ARHGEF12: variants seen among roughly 807,000 people sequenced by gnomAD.
ARHGEF12 encodes KMT2A/ARHGEF12 fusion protein.
ARHGEF12 carries 66 observed loss-of-function variants against 211.2 expected under a neutral mutation model. The ratio of observed to expected loss-of-function variants is 0.31; its 90% CI spans 0.26 to 0.38. The LOEUF (loss-of-function observed/expected upper bound fraction) is 0.38, where lower values mean the gene tolerates loss of function less well. Among genes scored for constraint, ARHGEF12 ranks in the 10% least tolerant of loss-of-function variants. The pLI is 1.00. For missense variants in ARHGEF12, 1,429 were observed against 1,869.5 expected (o/e 0.76, Z 4.34); for synonymous variants, 592 against 638.4 (o/e 0.93, Z 1.09).
intron 18 of ARHGEF12, 90 bp from the exon 19 acceptor site, chr11:120,447,784 C>G: frequency 1.1e-6 from 1 of 905,178 alleles, no homozygotes; most frequent in South Asian, 1.6e-5. Flanking sequence ...CCATTGCACT[C>G]CAGCCTGGGT....
intron 31 of ARHGEF12, 53 bp from the exon 32 acceptor site, chr11:120,474,507 A>T: frequency 7.8e-7 from 1 of 1,286,104 alleles, no homozygotes; most frequent in Non-Finnish European, 1.1e-6. Flanking sequence ...ATAGATAATC[A>T]TGTTACTGAG....
chr11:120,384,076 G>A (rs879357211), intron 1 of ARHGEF12, among the ~76,000 whole-genome samples: 20 of 152,090 alleles, frequency 1.3e-4, no homozygotes, highest in South Asian at 2.1e-4. Context: ...CTGAGACCTC[G>A]GTATAGGTGG....
At chr11:120,443,078 G>A (rs1945931958) in intron 15 of ARHGEF12, among the ~76,000 whole-genome samples, 1 of 145,834 alleles carries the variant, frequency 6.9e-6, no homozygotes, top group Non-Finnish European at 1.5e-5. Context: ...CTGGAGCACA[G>A]TGGCACGATT....
intron 34 of ARHGEF12, chr11:120,476,952 A>C (rs1947049391): frequency 1.7e-6 from 1 of 593,822 alleles, no homozygotes; most frequent in African/African-American, 1.9e-5. Flanking sequence ...TATTTCCTAA[A>C]GAAAAAATTG....
chr11:120,384,961 A>C (rs1943985925), intron 1 of ARHGEF12, among the ~76,000 whole-genome samples: 1 of 150,480 alleles, frequency 6.6e-6, no homozygotes, highest in Non-Finnish European at 1.5e-5. Context: ...ACCGAATTTT[A>C]AGGTATTTGA....
chr11:120,391,188 A>G (rs1944206342), intron 1 of ARHGEF12, among the ~76,000 whole-genome samples: 1 of 152,210 alleles, frequency 6.6e-6, no homozygotes, highest in African/African-American at 2.4e-5. Flanking sequence ...GACACAATTT[A>G]CTGTATTGTT....
chr11:120,477,304 G>C lies in ARHGEF12; in HGVS notation c.3451G>C (p.Glu1151Gln). Residue 1151 changes from glutamate (E) to glutamine (Q), a missense_variant and splice_region_variant, in exon 35 of 41, where the codon GAA (glutamate) becomes CAA (glutamine). Glu to Gln is a conservative substitution (Grantham distance 29). Transcript: ENST00000397843. ...TCCATTACCACAGTCAACACCTGGC[G>C]AGTGAGTGTTCCTTTGCATTGTAGT... ...PIPLPQSTPGEGDNDEEDPSK... is the reference protein window; with the variant it reads ...PIPLPQSTPGQGDNDEEDPSK... 1 of 1,613,718 alleles carries C rather than the reference G, an allele frequency of 6.2e-7. No homozygotes were observed.
At chr11:120,478,567 C>A (rs1045012583) in intron 37 of ARHGEF12, among the ~76,000 whole-genome samples, 178 bp downstream of exon 37, 2 of 152,168 alleles carry the variant, frequency 1.3e-5, no homozygotes, top group African/African-American at 2.4e-5. Context: ...TCTGTTAGCT[C>A]CCCACCCCCC....
Position 120,457,102 on chromosome 11 carries a change from T to TC in ARHGEF12, c.2057-16_2057-15insC. On this transcript the variant is annotated splice_polypyrimidine_tract_variant and intron_variant, in intron 22 of 40. Coordinates refer to ENST00000397843, the MANE Select transcript of ARHGEF12 (RefSeq NM_015313.3). Reference sequence around the variant, plus strand: ...TAAGTATTAACACTCTTCAAATGTCTGACTTTTGTCTACAGGATCAAAGCA... The same window carrying TC: ...TAAGTATTAACACTCTTCAAATGTCTCGACTTTTGTCTACAGGATCAAAGCA... 2 of 1,612,906 alleles carry TC rather than the reference T, an allele frequency of 1.2e-6. No individual in the cohort carries two copies. The highest frequency in any genetic ancestry group is 1.7e-6 in the Non-Finnish European group (2 of 1,179,528).
chr11:120,448,393 C>A (rs761571815), intron 20 of ARHGEF12, 45 bp downstream of exon 20: 22 of 1,472,796 alleles, frequency 1.5e-5, no homozygotes, highest in Middle Eastern at 1.7e-4. Flanking sequence ...CTTAGGGCTT[C>A]TTTACATTTG....
chr11:120,447,433 C>G (rs1946077440), intron 18 of ARHGEF12, among the ~76,000 whole-genome samples: 1 of 152,176 alleles, frequency 6.6e-6, no homozygotes, highest in East Asian at 1.9e-4. Flanking sequence ...AGATAAGGTT[C>G]TTTAGGGGAT....
Position 120,477,478 on chromosome 11 carries a change from T to G in ARHGEF12, c.3484T>G (p.Leu1162Val), listed in dbSNP as rs1294484996. Residue 1162 changes from leucine (L) to valine (V), a missense_variant, in exon 36 of 41, where the codon TTA becomes GTA. Leu to Val is a conservative substitution (Grantham distance 32, BLOSUM62 1). This residue lies in a region of ARHGEF12 where 467 missense variants were observed against 468.4 expected (regional missense o/e 1.00). Coordinates refer to ENST00000397843, the MANE Select transcript of ARHGEF12 (RefSeq NM_015313.3). ...TAATGATGAAGAAGATCCTTCAAAA[T>G]TAAAAGAGGAGCAGCATGGCATTTC... is the stretch of plus-strand genomic sequence containing the variant. ...GDNDEEDPSKLKEEQHGISVT... is the reference protein window; with the variant it reads ...GDNDEEDPSKVKEEQHGISVT... The G allele has an allele frequency of 6.2e-7, 1 of 1,605,250 alleles. No individual in the cohort carries two copies. Among genetic ancestry groups the G allele is most frequent in the Non-Finnish European group, 8.5e-7 (1 of 1,175,556 alleles).
chr11:120,383,623 C>T (rs188716275), intron 1 of ARHGEF12, among the ~76,000 whole-genome samples: 266 of 152,232 alleles, frequency 1.7e-3, no homozygotes, highest in Admixed American at 2.2e-3. Flanking sequence ...TCCTGCTCCT[C>T]TGAGCATCTA....
At chr11:120,446,307 T>C in intron 16 of ARHGEF12, 96 bp from the exon 17 acceptor site, 1 of 802,604 alleles carries the variant, frequency 1.2e-6, no homozygotes, top group Non-Finnish European at 1.8e-6. Context: ...TCTGGCATAT[T>C]CTAAGTTAAT....
At chr11:120,412,312 T>C (rs1387126171) in intron 4 of ARHGEF12, among the ~76,000 whole-genome samples, 2 of 152,242 alleles carry the variant, frequency 1.3e-5, no homozygotes, top group African/African-American at 4.8e-5. Context: ...AAATAAGTTA[T>C]GTCTTTTTAA....
chr11:120,357,012 C>T (rs1041988109), intron 1 of ARHGEF12, among the ~76,000 whole-genome samples: 3 of 151,092 alleles, frequency 2.0e-5, no homozygotes, highest in Non-Finnish European at 4.4e-5. Context: ...CCAACCTGCA[C>T]TGTTTTTTTT....
rs773482324 is a variant in ARHGEF12 at position 120,457,174 on chromosome 11, C to T, written c.2113C>T (p.Arg705Cys). 29 of 1,614,044 alleles carry T rather than the reference C, an allele frequency of 1.8e-5. No individual in the cohort carries two copies. The highest frequency in any genetic ancestry group is 5.3e-5 in the African/African-American group (4 of 75,036). The change falls in exon 23 of 41, where the codon CGT (arginine) becomes TGT (cysteine). Residue 705 changes from arginine to cysteine, a missense_variant. Transcript: ENST00000397843. ...APGDTLDGTP[R>C]TLNTVFDFPP... Reference sequence around the variant, plus strand: ...TGGAGACACCTTAGATGGCACACCTCGTACTCTCAATACTGTCTTTGATTT... The same window carrying T: ...TGGAGACACCTTAGATGGCACACCTTGTACTCTCAATACTGTCTTTGATTT...
chr11:120,474,579 G>A lies in ARHGEF12; in HGVS notation c.3053G>A (p.Arg1018Lys), dbSNP rs201397693. ...TGCCAGAATTTGGATTTAACAAAAA[G>A]GAAGATGATTCATGAAGGGCCATTG... ...EELRNLDLTKRKMIHEGPLVW... is the reference protein window; with the variant it reads ...EELRNLDLTKKKMIHEGPLVW... Residue 1018 changes from arginine (R) to lysine (K), a missense_variant, in exon 32 of 41, where the codon AGG (arginine) becomes AAG (lysine). Physicochemically the swap from Arg to Lys is conservative, Grantham distance 26. Coordinates refer to ENST00000397843, the MANE Select transcript of ARHGEF12 (RefSeq NM_015313.3). 2 of 1,611,580 alleles carry A rather than the reference G, an allele frequency of 1.2e-6. No homozygotes were observed. The highest frequency in any genetic ancestry group is 1.3e-5 in the African/African-American group (1 of 74,860).
chr11:120,430,328 A>G (rs952519963), intron 10 of ARHGEF12, among the ~76,000 whole-genome samples: 4 of 152,148 alleles, frequency 2.6e-5, no homozygotes, highest in African/African-American at 9.7e-5. Flanking sequence ...AGAGTTAGAG[A>G]GATTAAATGA....
Sources: allele counts gnomAD v4.1 joint callset (sites outside exome capture counted in the v4.1 genomes callset), GRCh38; gene constraint gnomAD v4.1.1; regional missense constraint gnomAD v4.1.1; transcripts MANE v1.5; gene names NCBI Gene and HGNC (gene_info 2026-07-23, HGNC 2026-07-21).